KSR2: variants seen among roughly 807,000 people sequenced by gnomAD.
The protein encoded by KSR2 is kinase suppressor of ras 2.
In KSR2, 25 loss-of-function variants were observed where a neutral mutation model predicts 107.8. The ratio of observed to expected loss-of-function variants is 0.23; its 90% CI spans 0.17 to 0.32. KSR2 has a LOEUF of 0.32. KSR2 is among the 10% of genes least tolerant of loss of function. The pLI, the probability that KSR2 is intolerant of heterozygous loss-of-function variation, is 1.00. For missense variants in KSR2, 887 were observed against 1,268.9 expected, an observed-to-expected ratio of 0.70 and a Z score of 4.57; for synonymous variants, 480 against 507.0, an observed-to-expected ratio of 0.95 and a Z score of 0.71.
At chr12:117,845,831 C>T (rs181557125) in intron 3 of KSR2, among the ~76,000 whole-genome samples, 1 of 151,942 alleles carries the variant, frequency 6.6e-6, no homozygotes, top group Non-Finnish European at 1.5e-5. Context: ...CAGGCACACA[C>T]CACACCTAGC....
Position 117,731,321 on chromosome 12 carries a change from C to T in KSR2, c.986+29690G>A, listed in dbSNP as rs571179718. Among the ~76,000 whole-genome samples, 98 of 150,146 alleles carry T rather than the reference C, an allele frequency of 6.5e-4. 3 individuals carry two copies. The East Asian group carries it at 0.017, about 26-fold the overall frequency. The stretch of plus-strand genomic sequence containing the variant: ...GAGCGTCTCCGCCCAGCAGCCGCCC[C>T]GTCTGAGAAGTGAGGAGCCCCCCCG... On this transcript the variant is annotated intron_variant, in intron 4 of 19. Coordinates refer to ENST00000339824, the MANE Select transcript of KSR2 (RefSeq NM_173598.6).
At chr12:117,801,290 T>TC (rs1380779072) in intron 3 of KSR2, among the ~76,000 whole-genome samples, 3 of 151,460 alleles carry the variant, frequency 2.0e-5, no homozygotes, top group Non-Finnish European at 4.4e-5. Context: ...CTAATTTTTT[T>TC]TTTTTTTTTT....
At chr12:117,626,324 T>C (rs539856443) in intron 5 of KSR2, among the ~76,000 whole-genome samples, 271 of 152,340 alleles carry the variant, frequency 1.8e-3, no homozygotes, top group African/African-American at 6.1e-3. Context: ...TCTTTCCTGC[T>C]TTCTCTTGTG....
chr12:117,527,756 T>C (rs1875309321), intron 12 of KSR2, among the ~76,000 whole-genome samples: 1 of 152,322 alleles, frequency 6.6e-6, no homozygotes, highest in South Asian at 2.1e-4. Context: ...GTAGATACTA[T>C]GCAGGGAGGC....
intron 5 of KSR2, among the ~76,000 whole-genome samples, chr12:117,612,706 A>G (rs114742752): frequency 0.013 from 1,949 of 152,310 alleles, 47 homozygotes; most frequent in African/African-American, 0.045. Context: ...GAACCTCACT[A>G]TAATAATGGC....
At chr12:117,752,301 C>T (rs1255825282) in intron 4 of KSR2, among the ~76,000 whole-genome samples, 2 of 152,176 alleles carry the variant, frequency 1.3e-5, no homozygotes, top group African/African-American at 4.8e-5. Context: ...TCACAAACTA[C>T]ACACGTCTGA....
chr12:117,598,126 C>T (rs1880746853), intron 5 of KSR2, among the ~76,000 whole-genome samples: 1 of 152,108 alleles, frequency 6.6e-6, no homozygotes, highest in African/African-American at 2.4e-5. Flanking sequence ...GTCTTTTATC[C>T]CTCAGCTCCC....
intron 4 of KSR2, among the ~76,000 whole-genome samples, chr12:117,712,415 G>T (rs1565974763): frequency 6.6e-6 from 1 of 152,144 alleles, no homozygotes; most frequent in African/African-American, 2.4e-5. Context: ...AGGGTCAGCT[G>T]CTGAGACCCT....
chr12:117,807,813 T>A (rs1891063087), intron 3 of KSR2, among the ~76,000 whole-genome samples: 1 of 152,220 alleles, frequency 6.6e-6, no homozygotes, highest in Middle Eastern at 3.2e-3. Context: ...GATAGGTAAT[T>A]AACAAGCTAA....
At chr12:117,967,656 A>G (rs1165555398) in intron 1 of KSR2, among the ~76,000 whole-genome samples, 5 of 152,118 alleles carry the variant, frequency 3.3e-5, no homozygotes, top group Admixed American at 6.6e-5. Context: ...CAGAATGCGC[A>G]AGGTCACGTG....
chr12:117,947,232 A>AG (rs1896222454), intron 1 of KSR2, among the ~76,000 whole-genome samples: 1 of 120,240 alleles, frequency 8.3e-6, no homozygotes, highest in African/African-American at 3.5e-5. Flanking sequence ...AAAGAAAGAA[A>AG]GAAAGAAAGA....
At chr12:117,760,229 G>A (rs1888949980) in intron 4 of KSR2, among the ~76,000 whole-genome samples, 1 of 152,194 alleles carries the variant, frequency 6.6e-6, no homozygotes, top group African/African-American at 2.4e-5. Context: ...TGGCTACTGT[G>A]AATAGCACAG....
chr12:117,873,728 T>A (rs967733345), intron 1 of KSR2, among the ~76,000 whole-genome samples: 8 of 152,158 alleles, frequency 5.3e-5, no homozygotes, highest in Non-Finnish European at 1.2e-4. Flanking sequence ...CCCAAGGTGC[T>A]GGGATTACAG....
At chr12:117,870,775 T>C (rs1368197189) in intron 1 of KSR2, among the ~76,000 whole-genome samples, 1 of 151,982 alleles carries the variant, frequency 6.6e-6, no homozygotes, top group Non-Finnish European at 1.5e-5. Context: ...TTATGATACA[T>C]TAGAAATGGG....
At chr12:117,863,459 T>A (rs1893378499) in intron 1 of KSR2, among the ~76,000 whole-genome samples, 1 of 152,084 alleles carries the variant, frequency 6.6e-6, no homozygotes, top group Non-Finnish European at 1.5e-5. Flanking sequence ...AGAAACCAGA[T>A]CTCCCTGGAC....
At chr12:117,831,050 G>A (rs752270058) in intron 3 of KSR2, among the ~76,000 whole-genome samples, 4 of 152,100 alleles carry the variant, frequency 2.6e-5, no homozygotes, top group Non-Finnish European at 4.4e-5. Context: ...CTGGGGAACC[G>A]GCAGAGCATG....
At chr12:117,760,951 G>A in intron 4 of KSR2, 60 bp downstream of exon 4, 4 of 1,602,850 alleles carry the variant, frequency 2.5e-6, no homozygotes, top group East Asian at 2.2e-5. Flanking sequence ...CTGGGACCAA[G>A]GGGCAGCCCC....
At chr12:117,555,078 C>A (rs572258964) in intron 9 of KSR2, 91 bp downstream of exon 9, 11 of 1,506,250 alleles carry the variant, frequency 7.3e-6, no homozygotes, top group Non-Finnish European at 1.0e-5. Flanking sequence ...GGAGGGAGCG[C>A]CATACTCCCA....
chr12:117,686,675 T>C (rs557370747), intron 4 of KSR2, among the ~76,000 whole-genome samples: 3 of 152,214 alleles, frequency 2.0e-5, no homozygotes, highest in Admixed American at 2.0e-4. Flanking sequence ...TCTACTCAGG[T>C]GGTAAGCCCG....
Sources: allele counts gnomAD v4.1 joint callset (sites outside exome capture counted in the v4.1 genomes callset), GRCh38; gene constraint gnomAD v4.1.1; transcripts MANE v1.5; gene names NCBI Gene and HGNC (gene_info 2026-07-23, HGNC 2026-07-21).